Variants in CD276 observed in about 807,000 individuals in gnomAD.
CD276 encodes the protein CD276 antigen.
In CD276, 34 loss-of-function variants were observed where a neutral mutation model predicts 50.0. The ratio of observed to expected loss-of-function variants is 0.68; its 90% confidence interval spans 0.52 to 0.91. The LOEUF is 0.91. CD276 is among the 40% of genes least tolerant of loss of function. CD276 has a pLI of 0.00. For synonymous variants in CD276, 275 were observed against 313.0 expected (o/e 0.88, Z 1.28); for missense variants, 634 against 717.5 (o/e 0.88, Z 1.33).
intron 9 of CD276, chr15:73,712,299 A>C (rs1900935819): frequency 6.6e-6 from 1 of 152,626 alleles, no homozygotes; most frequent in African/African-American, 2.4e-5. Flanking sequence ...GGACAACCAC[A>C]GAGGCAGTGC....
At chr15:73,690,855 G>A in intron 1 of CD276, 2 of 454,822 alleles carry the variant, frequency 4.4e-6, no homozygotes, top group South Asian at 3.1e-5. Flanking sequence ...GGTGAGGCTG[G>A]GCAGGTGGGC....
rs368756883 is a variant in CD276 at position 73,703,028 on chromosome 15, C to G, written c.675C>G (p.Pro225=). 3.1e-6 allele frequency: 5 copies of G among 1,613,612 alleles called. No homozygotes were observed. The highest frequency in any genetic ancestry group is 2.2e-5 in the South Asian group (2 of 90,986). The change falls in exon 4 of 10, where the codon CCC becomes CCG. Residue 225 remains proline, a synonymous_variant. Coordinates refer to ENST00000318443, the MANE Select transcript of CD276 (RefSeq NM_001024736.2). ...NGTYSCLVRN[P]VLQQDAHSSV... is the part of the protein sequence containing the mutation. ...CCTACAGCTGCCTGGTGCGCAACCC[C>G]GTGCTGCAGCAGGATGCGCACAGCT...
rs199799869 is a variant in CD276, at chr15:73,702,326, T to C, written c.151T>C (p.Ser51Pro). The change falls in exon 3 of 10, where the codon TCC becomes CCC. Residue 51 changes from serine to proline, a missense_variant. Coordinates refer to ENST00000318443, the MANE Select transcript of CD276 (RefSeq NM_001024736.2). ...LVGTDATLCC[S>P]FSPEPGFSLA... ...GGGCACCGATGCCACCCTGTGCTGCTCCTTCTCCCCTGAGCCTGGCTTCAG... is the reference window on the plus strand; with the variant it reads ...GGGCACCGATGCCACCCTGTGCTGCCCCTTCTCCCCTGAGCCTGGCTTCAG... 2.3e-4 allele frequency: 365 copies of C among 1,613,460 alleles called. 1 individual carries two copies. The highest frequency in any genetic ancestry group is 9.9e-5 in the Non-Finnish European group (117 of 1,179,994).
At chr15:73,707,035 C>T (rs954597279) in intron 6 of CD276, among the ~76,000 whole-genome samples, 1 of 152,226 alleles carries the variant, frequency 6.6e-6, no homozygotes, top group Non-Finnish European at 1.5e-5. Context: ...CTGCACACCT[C>T]TCTTCATCAC....
chr15:73,688,705 A>T (rs1252620212), intron 1 of CD276, among the ~76,000 whole-genome samples: 1 of 152,140 alleles, frequency 6.6e-6, no homozygotes, highest in Non-Finnish European at 1.5e-5. Flanking sequence ...ATGGGCCTGG[A>T]GCTAGGCGCT....
intron 6 of CD276, among the ~76,000 whole-genome samples, chr15:73,705,060 G>T (rs1340252109): frequency 1.3e-5 from 2 of 152,198 alleles, no homozygotes; most frequent in Admixed American, 1.3e-4. Flanking sequence ...CCAGGTTCTA[G>T]CCTCGTGGGC....
intron 8 of CD276, 47 bp downstream of exon 8, chr15:73,709,736 A>G: frequency 6.3e-7 from 1 of 1,581,280 alleles, no homozygotes; most frequent in Non-Finnish European, 8.6e-7. Context: ...AGAGGGACAT[A>G]TGGGAAAGGA....
rs764430413 is a variant in CD276, at chr15:73,703,768, C to T, written c.843C>T (p.Leu281=). 2.1e-5 allele frequency: 34 copies of T among 1,613,566 alleles called. No individual in the cohort carries two copies. Among genetic ancestry groups the T allele is most frequent in the Non-Finnish European group, 2.6e-5 (31 of 1,180,032 alleles). ...SPEPGFSLAQ[L]NLIWQLTDTK... is the part of the protein sequence containing the mutation. ...AGCCTGGCTTCAGCCTGGCACAGCT[C>T]AACCTCATCTGGCAGCTGACAGACA... Residue 281 remains leucine, a synonymous_variant, in exon 5 of 10, where the codon CTC becomes CTT. Transcript: ENST00000318443.
chr15:73,701,746 A>C (rs1435848552), intron 2 of CD276, among the ~76,000 whole-genome samples: 3 of 151,632 alleles, frequency 2.0e-5, no homozygotes, highest in African/African-American at 7.3e-5. Flanking sequence ...AAAAAGAAAA[A>C]AAGAAAAAGC....
chr15:73,699,650 G>T lies in CD276; in HGVS notation c.11G>T (p.Arg4Leu), dbSNP rs1232227175. ...CCGCCTCACAGGAAGATGCTGCGTC[G>T]GCGGGGCAGCCCTGGCATGGGTGTG... MLR[R>L]RGSPGMGVHV... Residue 4 changes from arginine (R) to leucine (L), a missense_variant, in exon 2 of 10, where the codon CGG (arginine) becomes CTG (leucine). Coordinates refer to ENST00000318443, the MANE Select transcript of CD276 (RefSeq NM_001024736.2). 6.2e-7 allele frequency: 1 copy of T among 1,613,566 alleles called. No individual in the cohort carries two copies. Among genetic ancestry groups the T allele is most frequent in the African/African-American group, 1.3e-5 (1 of 74,930 alleles).
chr15:73,710,492 G>A (rs1327365394), intron 8 of CD276, among the ~76,000 whole-genome samples: 2 of 152,196 alleles, frequency 1.3e-5, no homozygotes, highest in Non-Finnish European at 2.9e-5. Flanking sequence ...GGGGATCCTG[G>A]GCTGGGAGAG....
chr15:73,686,377 G>A (rs1433196842), intron 1 of CD276: 3 of 811,958 alleles, frequency 3.7e-6, no homozygotes, highest in African/African-American at 3.7e-5. Flanking sequence ...TTTCCTTCCT[G>A]TCCCCTCTTC....
chr15:73,712,154 C>CAAAAAAAAAAA (rs386383477), intron 9 of CD276: 1 of 95,878 alleles, frequency 1.0e-5, no homozygotes, highest in Non-Finnish European at 2.0e-5. Context: ...GATTCCATCT[C>CAAAAAAAAAAA]AAAAAAAAAA....
intron 1 of CD276, among the ~76,000 whole-genome samples, chr15:73,690,460 A>G (rs1159800958): frequency 6.6e-6 from 1 of 152,194 alleles, no homozygotes; most frequent in Non-Finnish European, 1.5e-5. Context: ...GGTAATATAT[A>G]AAGAAAAAAA....
rs553249180 is a variant in CD276, at chr15:73,713,163, T to C, written c.*207T>C. On this transcript the variant is annotated 3_prime_UTR_variant, in exon 10 of 10. Transcript: ENST00000318443. The stretch of plus-strand genomic sequence containing the variant: ...AGTCATCCTGCTGCCTTTTTTCTTA[T>C]AGACACAATGAACAGACCACCCACA... 7.8e-5 allele frequency: 43 copies of C among 552,712 alleles called. No individual in the cohort carries two copies. The highest frequency in any genetic ancestry group is 1.3e-4 in the Non-Finnish European group (40 of 313,484). 34.2% of individuals were successfully genotyped at this position (552,712 alleles called of 1,614,324 possible). A position where few individuals can be genotyped will look rare whatever the true frequency, so the allele number is the denominator to read the frequency against.
rs28515532 is a variant in CD276 at position 73,704,877 on chromosome 15, C to T, written c.1369+405C>T. 0.023 allele frequency among the ~76,000 whole-genome samples: 3,449 copies of T among 152,266 alleles called. 135 individuals are homozygous for T. The highest frequency in any genetic ancestry group is 0.076 in the African/African-American group (3,159 of 41,542). On this transcript the variant is annotated intron_variant, in intron 6 of 9. Transcript: ENST00000318443. The surrounding 1 kb of genome is among the most constrained non-coding windows in gnomAD (Gnocchi z 4.1). ...CCATCTGATTCTGAAGCCTGAGTGA[C>T]AGCTGGCCCTCCCTAGTTAGTCCCC...
intron 2 of CD276, among the ~76,000 whole-genome samples, chr15:73,700,756 G>A (rs1900346760): frequency 6.6e-6 from 1 of 152,114 alleles, no homozygotes. Context: ...AATGAGTGCT[G>A]TATTCAATTA....
intron 7 of CD276, chr15:73,709,433 T>A: frequency 3.7e-6 from 2 of 541,214 alleles, no homozygotes; most frequent in South Asian, 4.5e-5. Context: ...GCTGGGTGAG[T>A]GGTGGGCTCC....
rs1596024557 is a variant in CD276, at chr15:73,713,262, T to G, written c.*306T>G. ...TACATTTCTTAGGGACACAGTACAC[T>G]GACCACATCACCACCCTCTTCTTCC... is the stretch of plus-strand genomic sequence containing the variant. On this transcript the variant is annotated 3_prime_UTR_variant, in exon 10 of 10. Transcript: ENST00000318443. 1 of 386,488 alleles carries G rather than the reference T, an allele frequency of 2.6e-6. No individual in the cohort carries two copies. Among genetic ancestry groups the G allele is most frequent in the Non-Finnish European group, 4.6e-6 (1 of 216,046 alleles). 23.9% of individuals were successfully genotyped at this position (386,488 alleles called of 1,614,324 possible).
Sources: allele counts gnomAD v4.1 joint callset (sites outside exome capture counted in the v4.1 genomes callset), GRCh38; gene constraint gnomAD v4.1.1; non-coding constraint Gnocchi (gnomAD v3.1); transcripts MANE v1.5; gene names NCBI Gene and HGNC (gene_info 2026-07-23, HGNC 2026-07-21).